Variants in ADAM10 observed in about 807,000 individuals in gnomAD.
ADAM10 encodes ADAM metallopeptidase domain 10.
In ADAM10, 17 loss-of-function variants were observed where a neutral mutation model predicts 90.1. The observed-to-expected ratio is 0.19, with a 90% CI of 0.13 to 0.28. The LOEUF is 0.28. ADAM10 is among the 10% of genes least tolerant of loss of function. ADAM10 has a pLI of 1.00. For synonymous variants in ADAM10, 310 were observed against 298.6 expected, an observed-to-expected ratio of 1.04 and a Z score of -0.40; for missense variants, 610 against 914.3, an observed-to-expected ratio of 0.67 and a Z score of 4.29.
intron 4 of ADAM10, chr15:58,672,238 A>G (rs12908165): frequency 0.16 from 24,814 of 152,240 alleles, 2,188 homozygotes; most frequent in South Asian, 0.26. Flanking sequence ...GTGCTGGGGC[A>G]AATGGCAGCC....
Position 58,597,176 on chromosome 15 carries a change from A to C in ADAM10, c.*371T>G. ...TCCTAGCCTTGATTGGCAGTTGAAA[A>C]AAATATATTTATTTCAATTTGTGGT... On this transcript the variant is annotated 3_prime_UTR_variant, in exon 16 of 16. Transcript: ENST00000260408. The C allele has an allele frequency of 1.8e-6, 1 of 556,266 alleles. No individual in the cohort carries two copies. The highest frequency in any genetic ancestry group is 3.1e-6 in the Non-Finnish European group (1 of 322,972). 34.5% of individuals were successfully genotyped at this position (556,266 alleles called of 1,614,324 possible).
chr15:58,735,062 G>C (rs1187544230), intron 1 of ADAM10, among the ~76,000 whole-genome samples: 1 of 152,172 alleles, frequency 6.6e-6, no homozygotes, highest in South Asian at 2.1e-4. Context: ...AGCTCAGAAA[G>C]TATAGATAGA....
intron 8 of ADAM10, among the ~76,000 whole-genome samples, chr15:58,635,665 G>C (rs1896232041): frequency 6.6e-6 from 1 of 151,894 alleles, no homozygotes; most frequent in South Asian, 2.1e-4. Context: ...ACACAGCATA[G>C]TTTTAAACAA....
chr15:58,644,339 C>G (rs1896494769), intron 6 of ADAM10, among the ~76,000 whole-genome samples: 1 of 151,530 alleles, frequency 6.6e-6, no homozygotes, highest in South Asian at 2.1e-4. Context: ...AAGTGATTCT[C>G]CTGCCTCAGC....
chr15:58,624,188 A>C (rs1895870325), intron 10 of ADAM10, among the ~76,000 whole-genome samples: 1 of 151,878 alleles, frequency 6.6e-6, no homozygotes, highest in Non-Finnish European at 1.5e-5. Context: ...TGGGAGGCTG[A>C]GGCATGAGAA....
At chr15:58,635,167 C>T (rs145725167) in intron 8 of ADAM10, among the ~76,000 whole-genome samples, 8,693 of 145,330 alleles carry the variant, frequency 0.06, 704 homozygotes, top group African/African-American at 0.18. Flanking sequence ...CCCAGCTACT[C>T]GGGAGGCTGA....
At chr15:58,678,622 C>T (rs1897348526) in intron 4 of ADAM10, among the ~76,000 whole-genome samples, 1 of 152,050 alleles carries the variant, frequency 6.6e-6, no homozygotes, top group Admixed American at 6.6e-5. Flanking sequence ...TGGTAGAGAA[C>T]AAAATCCATG....
At chr15:58,640,497 G>T (rs758021398) in intron 8 of ADAM10, among the ~76,000 whole-genome samples, 1 of 151,870 alleles carries the variant, frequency 6.6e-6, no homozygotes, top group Non-Finnish European at 1.5e-5. Flanking sequence ...TTCCCTTTGG[G>T]TTTCAGAATT....
At chr15:58,746,389 T>G (rs1267829478) in intron 1 of ADAM10, among the ~76,000 whole-genome samples, 1 of 152,146 alleles carries the variant, frequency 6.6e-6, no homozygotes, top group Non-Finnish European at 1.5e-5. Context: ...ATCAGAGAAG[T>G]GCCTGCCATG....
intron 10 of ADAM10, among the ~76,000 whole-genome samples, chr15:58,625,262 G>A (rs895023882): frequency 2.0e-5 from 3 of 152,024 alleles, no homozygotes; most frequent in Non-Finnish European, 4.4e-5. Context: ...CAGTATCTAG[G>A]ACTAGTATCT....
chr15:58,732,707 T>G (rs1275303635), intron 1 of ADAM10: 1 of 103,206 alleles, frequency 9.7e-6, no homozygotes, highest in African/African-American at 3.9e-5. Context: ...AGACTCCATC[T>G]CAAAAAAAAA....
In ADAM10 at chr15:58,595,251, G is replaced by A. The variant is rs998600288; in HGVS notation, c.*2296C>T. ...TTGTGTGTACGCAGAGTATCTAACT[G>A]GAAATTTTCTACATGGATTCCAAAG... On this transcript the variant is annotated 3_prime_UTR_variant, in exon 16 of 16. Transcript: ENST00000260408. 1.3e-5 allele frequency: 2 copies of A among 151,954 alleles called. No homozygotes were observed. Among genetic ancestry groups the A allele is most frequent in the Non-Finnish European group, 2.9e-5 (2 of 67,958 alleles). The allele number at this position is 151,954 out of a possible 1,614,324, so 9.4% of individuals were successfully genotyped here.
At chr15:58,653,240 C>T (rs1234998504) in intron 5 of ADAM10, among the ~76,000 whole-genome samples, 1 of 152,170 alleles carries the variant, frequency 6.6e-6, no homozygotes, top group African/African-American at 2.4e-5. Context: ...CTAGCTAGGA[C>T]CTCCAGTACT....
chr15:58,671,653 G>A (rs1460167260), intron 4 of ADAM10, among the ~76,000 whole-genome samples: 3 of 152,184 alleles, frequency 2.0e-5, no homozygotes, highest in African/African-American at 7.2e-5. Context: ...GCAGGAGGAT[G>A]ACTTGAGCTC....
chr15:58,682,947 T>C (rs1447824737), intron 2 of ADAM10, among the ~76,000 whole-genome samples: 1 of 152,102 alleles, frequency 6.6e-6, no homozygotes, highest in Non-Finnish European at 1.5e-5. Context: ...AATACTAAAG[T>C]AAAATTAATT....
intron 5 of ADAM10, among the ~76,000 whole-genome samples, chr15:58,663,244 T>C (rs1160049005): frequency 6.6e-6 from 1 of 152,240 alleles, no homozygotes; most frequent in African/African-American, 2.4e-5. Flanking sequence ...GACTTTATTG[T>C]TGTAGGATGG....
At chr15:58,611,274 T>G (rs1267125535) in intron 12 of ADAM10, 167 bp from the exon 13 acceptor site, 6 of 602,282 alleles carry the variant, frequency 1.0e-5, no homozygotes, top group Admixed American at 6.2e-5. Flanking sequence ...TAAATACATT[T>G]GAAAAAATTT....
At chr15:58,647,246 G>GTTTTTTTTTTTTTTTT (rs1323960397) in intron 5 of ADAM10, among the ~76,000 whole-genome samples, 5 of 36,844 alleles carry the variant, frequency 1.4e-4, no homozygotes, top group African/African-American at 2.9e-4. Context: ...TAGACACTAA[G>GTTTTTTTTTTTTTTTT]TATTTTTTTT....
intron 15 of ADAM10, among the ~76,000 whole-genome samples, chr15:58,598,246 G>A (rs1234179111): frequency 6.6e-6 from 1 of 152,120 alleles, no homozygotes; most frequent in Non-Finnish European, 1.5e-5. Flanking sequence ...AGTTTTTAAA[G>A]GTGCTATTCA....
Sources: gnomAD v4.1 joint callset for allele counts (sites outside exome capture counted in the v4.1 genomes callset) on GRCh38, gnomAD v4.1.1 for gene constraint, MANE v1.5 for transcripts, NCBI Gene and HGNC (gene_info 2026-07-23, HGNC 2026-07-21) for gene names.